SINHCAF: variants seen among roughly 807,000 people sequenced by gnomAD.
SINHCAF encodes the protein SIN3-HDAC complex-associated factor.
A neutral mutation model predicts 25.8 loss-of-function variants in SINHCAF; 3 were observed. The observed-to-expected ratio is 0.12, with a 90% CI of 0.05 to 0.30. SINHCAF has a LOEUF of 0.30. Ranked by LOEUF, SINHCAF falls within the 10% of genes least tolerant of loss-of-function variation. SINHCAF has a pLI of 1.00. For synonymous variants in SINHCAF, 70 were observed against 85.5 expected (o/e 0.82, Z 1.00); for missense variants, 121 against 262.3 (o/e 0.46, Z 3.72).
chr12:31,304,620 G>T (rs1204972678), intron 1 of SINHCAF: 1 of 152,212 alleles, frequency 6.6e-6, no homozygotes, highest in East Asian at 1.9e-4. Context: ...TTTGAATTTG[G>T]AAAGTGACAT....
Position 31,286,020 on chromosome 12 carries a change from A to C in SINHCAF, c.506+1614T>G, listed in dbSNP as rs75837143. On this transcript the variant is annotated intron_variant, in intron 5 of 5. Coordinates refer to ENST00000337682, the MANE Select transcript of SINHCAF (RefSeq NM_001135812.2). ...TAAATAAATGCAAACAAAGTGGTTT[A>C]AAGTACTTTAAAGTACTTACACTAT... is the stretch of plus-strand genomic sequence containing the variant. Among the ~76,000 whole-genome samples, 441 of 152,122 alleles carry C rather than the reference A, an allele frequency of 2.9e-3. 10 individuals are homozygous for C. In the East Asian group the frequency reaches 0.052, roughly 18 times the overall value.
At position 31,314,723 on chromosome 12, in the gene SINHCAF, T is replaced by C. The variant is rs375316010; in HGVS notation, c.-21+11301A>G. ...ACTTTTGCTACTTTCAAGATACCAC[T>C]GGAAGTAGTTTCCCCATTCTGGTTG... On this transcript the variant is annotated intron_variant, in intron 1 of 5. Coordinates refer to ENST00000337682, the MANE Select transcript of SINHCAF (RefSeq NM_001135812.2). Among the ~76,000 whole-genome samples, 5 of 152,350 alleles carry C rather than the reference T, an allele frequency of 3.3e-5. No individual in the cohort carries two copies. The East Asian group carries it at 9.6e-4, about 29-fold the overall frequency.
At chr12:31,307,600 C>T (rs889058973) in intron 1 of SINHCAF, among the ~76,000 whole-genome samples, 5 of 151,868 alleles carry the variant, frequency 3.3e-5, no homozygotes, top group African/African-American at 1.2e-4. Flanking sequence ...ATTACTGCAA[C>T]GAGATGGTAA....
intron 1 of SINHCAF, among the ~76,000 whole-genome samples, chr12:31,320,194 T>C (rs1939645887): frequency 6.6e-6 from 1 of 152,206 alleles, no homozygotes; most frequent in Non-Finnish European, 1.5e-5. Context: ...TCTAAACTCC[T>C]TGGCAAGGAA....
chr12:31,295,096 G>C (rs1938496908), intron 3 of SINHCAF, 138 bp downstream of exon 3: 3 of 616,264 alleles, frequency 4.9e-6, no homozygotes, highest in Non-Finnish European at 8.7e-6. Flanking sequence ...CATTATATCT[G>C]AACAGCAGCT....
chr12:31,282,911 A>G, intron 5 of SINHCAF, 40 bp from the exon 6 acceptor site: 1 of 1,471,432 alleles, frequency 6.8e-7, no homozygotes, highest in Non-Finnish European at 9.2e-7. Context: ...TTAATAAGGA[A>G]GAAAAATAGG....
intron 1 of SINHCAF, among the ~76,000 whole-genome samples, chr12:31,308,532 C>T (rs1939127843): frequency 6.6e-6 from 1 of 152,106 alleles, no homozygotes; most frequent in African/African-American, 2.4e-5. Flanking sequence ...TTAAAGTTTA[C>T]CCTTAATGTA....
chr12:31,317,988 C>T (rs980119274), intron 1 of SINHCAF, among the ~76,000 whole-genome samples: 10 of 152,132 alleles, frequency 6.6e-5, no homozygotes, highest in African/African-American at 2.2e-4. Context: ...AGAAATAACA[C>T]GAAAAAATAC....
In SINHCAF at chr12:31,325,389, C is replaced by CG; in HGVS notation, c.-21+634dup. 1 of 374,478 alleles carries CG rather than the reference C, an allele frequency of 2.7e-6. No homozygotes were observed. The highest frequency in any genetic ancestry group is 5.4e-6 in the Non-Finnish European group (1 of 186,914). The allele number at this position is 374,478 out of a possible 1,614,324, so 23.2% of individuals were successfully genotyped here. A position where few individuals can be genotyped will look rare whatever the true frequency, so the allele number is the denominator to read the frequency against. ...CGGAGTTGAGCAAACAACGCCACGC[C>CG]GCGTGCGCTCCGGCAGAGCCCAGCA... On this transcript the variant is annotated intron_variant, in intron 1 of 5. Coordinates refer to ENST00000337682, the MANE Select transcript of SINHCAF (RefSeq NM_001135812.2). This position sits in a 1 kb window ranked among gnomAD's most constrained non-coding sequence, Gnocchi z 5.9.
intron 1 of SINHCAF, among the ~76,000 whole-genome samples, chr12:31,322,965 A>G (rs982632305): frequency 6.6e-6 from 1 of 152,332 alleles, no homozygotes; most frequent in Admixed American, 6.5e-5. Flanking sequence ...TTGAAAAGAA[A>G]AATCTAGGAG....
At chr12:31,299,873 T>C (rs1938715564) in intron 1 of SINHCAF, among the ~76,000 whole-genome samples, 1 of 152,172 alleles carries the variant, frequency 6.6e-6, no homozygotes, top group Non-Finnish European at 1.5e-5. Flanking sequence ...TAGCCTACTG[T>C]TCCAAGGCAA....
In SINHCAF at chr12:31,282,732, T is replaced by A. The variant is rs748820614; in HGVS notation, c.646A>T (p.Ile216Phe). ...PEEQGPEPLP[I>F]STQEW ...CTCAGTCACCACTCCTGAGTGGAGA[T>A]GGGCAGAGGCTCTGGCCCCTGCTCC... Residue 216 changes from isoleucine (I) to phenylalanine (F), a missense_variant, in exon 6 of 6, where the codon ATC becomes TTC. Coordinates refer to ENST00000337682, the MANE Select transcript of SINHCAF (RefSeq NM_001135812.2). 3 of 1,594,952 alleles carry A rather than the reference T, an allele frequency of 1.9e-6. No homozygotes were observed. The highest frequency in any genetic ancestry group is 2.6e-6 in the Non-Finnish European group (3 of 1,174,452).
chr12:31,293,960 T>A, intron 3 of SINHCAF, 29 bp from the exon 4 acceptor site: 1 of 1,560,176 alleles, frequency 6.4e-7, no homozygotes, highest in Admixed American at 2.0e-5. Context: ...TATTTAATAA[T>A]ATTTTTAAAA....
At chr12:31,305,318 G>A (rs1938976899) in intron 1 of SINHCAF, among the ~76,000 whole-genome samples, 1 of 152,156 alleles carries the variant, frequency 6.6e-6, no homozygotes, top group Non-Finnish European at 1.5e-5. Flanking sequence ...AGCGCACTGT[G>A]GGACGTGTCT....
intron 1 of SINHCAF, among the ~76,000 whole-genome samples, chr12:31,306,774 C>G (rs1440307133): frequency 1.3e-5 from 2 of 152,144 alleles, no homozygotes; most frequent in African/African-American, 4.8e-5. Context: ...GGTTAAATAC[C>G]CTCTCTCTTT....
intron 1 of SINHCAF, among the ~76,000 whole-genome samples, chr12:31,314,443 G>A (rs866079345): frequency 3.9e-4 from 59 of 152,104 alleles, no homozygotes; most frequent in African/African-American, 1.2e-3. Flanking sequence ...GAAGAATGGC[G>A]CGAACCCGGG....
chr12:31,318,187 G>A (rs891722414), intron 1 of SINHCAF, among the ~76,000 whole-genome samples: 23 of 152,238 alleles, frequency 1.5e-4, no homozygotes, highest in East Asian at 5.8e-4. Flanking sequence ...ATTCTCCCGC[G>A]GCTAGGCTAT....
At chr12:31,323,987 C>G (rs1018383444) in intron 1 of SINHCAF, 1 of 455,842 alleles carries the variant, frequency 2.2e-6, no homozygotes, top group Non-Finnish European at 4.4e-6. Flanking sequence ...CGGTGACTGC[C>G]GAGAGAGACG....
chr12:31,323,334 C>T (rs998716288), intron 1 of SINHCAF, among the ~76,000 whole-genome samples: 1 of 152,296 alleles, frequency 6.6e-6, no homozygotes, highest in African/African-American at 2.4e-5. Context: ...TTTTAAAAGG[C>T]TTTTCAAGTC....
Sources: gnomAD v4.1 joint callset for allele counts (sites outside exome capture counted in the v4.1 genomes callset) on GRCh38, gnomAD v4.1.1 for gene constraint, Gnocchi (gnomAD v3.1) non-coding constraint, MANE v1.5 for transcripts, NCBI Gene and HGNC (gene_info 2026-07-23, HGNC 2026-07-21) for gene names.